SOX5: variants seen among roughly 807,000 people sequenced by gnomAD.
The protein encoded by SOX5 is transcription factor SOX-5.
In SOX5, 9 loss-of-function variants were observed where a neutral mutation model predicts 92.0. The observed-to-expected ratio is 0.10, with a 90% CI of 0.06 to 0.17. The LOEUF (loss-of-function observed/expected upper bound fraction) is 0.17. SOX5 is among the 10% of genes least tolerant of loss of function. The pLI is 1.00. For synonymous variants in SOX5, 344 were observed against 336.3 expected (o/e 1.02, Z -0.25); for missense variants, 642 against 944.5 (o/e 0.68, Z 4.20).
At chr12:24,429,395 G>T (rs1937815427) in intron 1 of SOX5, among the ~76,000 whole-genome samples, 1 of 152,004 alleles carries the variant, frequency 6.6e-6, no homozygotes, top group African/African-American at 2.4e-5. Context: ...ATGCTATGTA[G>T]TGGGCAATCA....
chr12:23,994,184 A>T (rs913563145), intron 4 of SOX5, among the ~76,000 whole-genome samples: 1 of 152,108 alleles, frequency 6.6e-6, no homozygotes, highest in Non-Finnish European at 1.5e-5. Context: ...AAGGTGTATC[A>T]TGAGAGGGAA....
chr12:23,878,950 T>G (rs2096958028), intron 2 of SOX5, among the ~76,000 whole-genome samples: 1 of 152,108 alleles, frequency 6.6e-6, no homozygotes, highest in South Asian at 2.1e-4. Context: ...AGCTCTGAGT[T>G]AGGGGGTAGT....
chr12:24,237,118 T>A lies in SOX5; in HGVS notation c.-76-23701A>T, dbSNP rs556631030. Among the ~76,000 whole-genome samples the A allele has an allele frequency of 4.7e-4, 72 of 152,324 alleles. 1 individual carries two copies. The highest frequency in any genetic ancestry group is 1.7e-3 in the African/African-American group (69 of 41,572). On this transcript the variant is annotated intron_variant, in intron 3 of 4. Transcript: ENST00000446891. ...ACAACTCCCAGCAGCTTACGTATGC[T>A]CTGAATTTACCATGTTAGTGGGTAT...
chr12:24,320,550 C>T (rs1164894246), intron 2 of SOX5, among the ~76,000 whole-genome samples: 1 of 152,094 alleles, frequency 6.6e-6, no homozygotes, highest in Non-Finnish European at 1.5e-5. Flanking sequence ...AATCTGAGCA[C>T]ATTTTGAAGA....
intron 1 of SOX5, among the ~76,000 whole-genome samples, chr12:24,442,476 T>C (rs1940782192): frequency 6.6e-6 from 1 of 151,908 alleles, no homozygotes; most frequent in Non-Finnish European, 1.5e-5. Flanking sequence ...AAGAGAAAAA[T>C]AAAGCAAAGA....
chr12:24,294,597 C>G (rs549784643), intron 2 of SOX5, among the ~76,000 whole-genome samples: 1 of 152,156 alleles, frequency 6.6e-6, no homozygotes, highest in Non-Finnish European at 1.5e-5. Flanking sequence ...ATGGAGTCAC[C>G]AAAATGCACA....
Position 23,597,475 on chromosome 12 carries a change from G to C in SOX5, c.1164+6912C>G, listed in dbSNP as rs573821917. 2.0e-5 allele frequency among the ~76,000 whole-genome samples: 3 copies of C among 152,280 alleles called. No homozygotes were observed. In the East Asian group the frequency reaches 5.8e-4, roughly 29 times the overall value. On this transcript the variant is annotated intron_variant, in intron 9 of 14. Transcript: ENST00000451604. ...AGATTTCCATCAACTGAATAAAGATGAAAAGGAGAGGAGGAGGCTCATCAC... is the reference window on the plus strand; with the variant it reads ...AGATTTCCATCAACTGAATAAAGATCAAAAGGAGAGGAGGAGGCTCATCAC...
intron 2 of SOX5, among the ~76,000 whole-genome samples, chr12:24,348,389 T>TATTTATTTA (rs1565956663): frequency 1.3e-5 from 2 of 151,682 alleles, no homozygotes; most frequent in African/African-American, 4.8e-5. Context: ...TTTATTTATT[T>TATTTATTTA]ATTTATTTGT....
At chr12:23,948,118 C>A (rs1944920252) in intron 1 of SOX5, among the ~76,000 whole-genome samples, 1 of 151,276 alleles carries the variant, frequency 6.6e-6, no homozygotes, top group African/African-American at 2.4e-5. Flanking sequence ...TAAAAGCTCA[C>A]TAATTAAAGA....
intron 4 of SOX5, among the ~76,000 whole-genome samples, chr12:23,961,865 T>C (rs1946980302): frequency 6.6e-6 from 1 of 152,210 alleles, no homozygotes; most frequent in African/African-American, 2.4e-5. Flanking sequence ...AATATGCTCT[T>C]CCACTTTCAA....
Position 23,534,479 on chromosome 12 carries a change from G to A in SOX5, c.2032C>T (p.Pro678Ser). 1 of 1,613,738 alleles carries A rather than the reference G, an allele frequency of 6.2e-7. No homozygotes were observed. Among genetic ancestry groups the A allele is most frequent in the East Asian group, 2.2e-5 (1 of 44,846 alleles). Residue 678 changes from proline (P) to serine (S), a missense_variant, in exon 15 of 15, where the codon CCT becomes TCT. This residue lies in a region of SOX5 where 130 missense variants were observed against 140.6 expected (regional missense o/e 0.92). Transcript: ENST00000451604. ...IPIATAGVVY[P>S]GAIAMAGMPS... The stretch of plus-strand genomic sequence containing the variant: ...ATCCCAGCCATGGCGATGGCTCCAG[G>A]GTACACAACACCAGCAGTGGCAATG...
At chr12:24,036,516 T>A (rs1956053284) in intron 4 of SOX5, among the ~76,000 whole-genome samples, 1 of 152,168 alleles carries the variant, frequency 6.6e-6, no homozygotes, top group South Asian at 2.1e-4. Flanking sequence ...CAAATCAGTT[T>A]TATATGTGGG....
At chr12:23,825,121 C>T (rs902637219) in intron 3 of SOX5, among the ~76,000 whole-genome samples, 7 of 152,116 alleles carry the variant, frequency 4.6e-5, no homozygotes, top group South Asian at 2.1e-4. Flanking sequence ...CTCTGGCATT[C>T]CAGGTGCCAC....
intron 2 of SOX5, among the ~76,000 whole-genome samples, chr12:24,339,822 C>G (rs1427173406): frequency 2.0e-5 from 3 of 152,186 alleles, no homozygotes; most frequent in African/African-American, 4.8e-5. Flanking sequence ...GTCATTTCCC[C>G]AGCTATAAGG....
rs143725640 is a variant in SOX5, at chr12:23,974,221, G to A, written c.-1-78197C>T. Among the ~76,000 whole-genome samples, 438 of 152,156 alleles carry A rather than the reference G, an allele frequency of 2.9e-3. 3 individuals are homozygous for A. Among genetic ancestry groups the A allele is most frequent in the African/African-American group, 1.0e-2 (415 of 41,510 alleles). On this transcript the variant is annotated intron_variant, in intron 4 of 4. Coordinates refer to the SOX5 transcript ENST00000446891. ...CAGAAATCACGCAAAGCAAAACCAC[G>A]GAACAGAGGGACTACAGTTACTATG...
intron 1 of SOX5, among the ~76,000 whole-genome samples, chr12:24,434,858 T>C (rs1209222906): frequency 6.6e-6 from 1 of 152,248 alleles, no homozygotes; most frequent in Non-Finnish European, 1.5e-5. Context: ...TAAACCTCTT[T>C]TCTTTATAAA....
chr12:23,779,620 A>G (rs2095218086), intron 3 of SOX5, among the ~76,000 whole-genome samples: 1 of 151,456 alleles, frequency 6.6e-6, no homozygotes, highest in African/African-American at 2.4e-5. Flanking sequence ...TAAATTGTTC[A>G]TGGTTTGACC....
chr12:24,369,513 C>A (rs1014892296), intron 1 of SOX5, among the ~76,000 whole-genome samples: 1 of 152,140 alleles, frequency 6.6e-6, no homozygotes, highest in Non-Finnish European at 1.5e-5. Context: ...TGTCACACAT[C>A]GATGCCTGGA....
intron 2 of SOX5, among the ~76,000 whole-genome samples, chr12:23,894,523 G>A (rs779616884): frequency 4.6e-5 from 7 of 152,180 alleles, no homozygotes; most frequent in East Asian, 1.9e-4. Flanking sequence ...CACCACGCCC[G>A]ACCTAAAACA....
Sources: allele counts gnomAD v4.1 joint callset (sites outside exome capture counted in the v4.1 genomes callset), GRCh38; gene constraint gnomAD v4.1.1; regional missense constraint gnomAD v4.1.1; transcripts MANE v1.5; gene names NCBI Gene and HGNC (gene_info 2026-07-23, HGNC 2026-07-21).